Variants in PMPCB observed in about 807,000 individuals in gnomAD.
The protein encoded by PMPCB is peptidase, mitochondrial processing subunit beta.
PMPCB carries 46 observed loss-of-function variants against 61.5 expected under a neutral mutation model. The observed-to-expected ratio is 0.75, with a 90% confidence interval of 0.59 to 0.96. The LOEUF (loss-of-function observed/expected upper bound fraction) is 0.96. PMPCB is among the 40% of genes least tolerant of loss of function. The probability of loss-of-function intolerance (pLI) is 0.00; values close to 1 mark genes in which losing one functional copy is unlikely to be tolerated. For synonymous variants in PMPCB, 191 were observed against 201.6 expected, an observed-to-expected ratio of 0.95 and a Z score of 0.44; for missense variants, 590 against 602.4, an observed-to-expected ratio of 0.98 and a Z score of 0.22.
At position 103,303,977 on chromosome 7, in the gene PMPCB, A is replaced by G. The variant is rs142466486; in HGVS notation, c.593A>G (p.His198Arg). Residue 198 changes from histidine to arginine, a missense_variant, in exon 5 of 13, where the codon CAT becomes CGT. His to Arg is a conservative substitution (Grantham distance 29). Coordinates refer to ENST00000249269, the MANE Select transcript of PMPCB (RefSeq NM_004279.3). ...CAAGAAGTTGTTTTTGATTATCTTC[A>G]TGCCACAGCTTATCAAAATACTGCA... Reference protein sequence around the residue: ...NLQEVVFDYLHATAYQNTALG... With the variant: ...NLQEVVFDYLRATAYQNTALG... 4 of 1,614,040 alleles carry G rather than the reference A, an allele frequency of 2.5e-6. No individual in the cohort carries two copies. Among genetic ancestry groups the G allele is most frequent in the Admixed American group, 1.7e-5 (1 of 60,026 alleles).
In PMPCB at chr7:103,312,116, G is replaced by T. The variant is rs1398167943; in HGVS notation, c.1390G>T (p.Ala464Ser). 21 of 1,613,930 alleles carry T rather than the reference G, an allele frequency of 1.3e-5. No individual in the cohort carries two copies. In the East Asian group the frequency reaches 2.2e-4, roughly 17 times the overall value. ...CTKYIYNRSP[A>S]IAAVGPIKQL... ...CAAATACATTTATAATAGGAGTCCAGCTATTGCTGCTGTTGGTAAGCCTGG... is the reference window on the plus strand; with the variant it reads ...CAAATACATTTATAATAGGAGTCCATCTATTGCTGCTGTTGGTAAGCCTGG... Residue 464 changes from alanine (A) to serine (S), a missense_variant, in exon 12 of 13, where the codon GCT (alanine) becomes TCT (serine). Coordinates refer to ENST00000249269, the MANE Select transcript of PMPCB (RefSeq NM_004279.3).
chr7:103,312,843 A>G lies in PMPCB; in HGVS notation c.*572A>G. 1.3e-6 allele frequency: 2 copies of G among 1,525,948 alleles called. No individual in the cohort carries two copies. Among genetic ancestry groups the G allele is most frequent in the East Asian group, 2.3e-5 (1 of 44,288 alleles). 94.5% of individuals were successfully genotyped at this position (1,525,948 alleles called of 1,614,324 possible). A position where few individuals can be genotyped will look rare whatever the true frequency, so the allele number is the denominator to read the frequency against. On this transcript the variant is annotated 3_prime_UTR_variant, in exon 13 of 13. Transcript: ENST00000249269. ...TTGACCCCATAACTACTGGTTTTGAAATAAGCACTATATTATTAACCACTT... is the reference window on the plus strand; with the variant it reads ...TTGACCCCATAACTACTGGTTTTGAGATAAGCACTATATTATTAACCACTT...
chr7:103,334,043 C>T (rs546322397), downstream of PMPCB, among the ~76,000 whole-genome samples: 11 of 151,922 alleles, frequency 7.2e-5, no homozygotes, highest in East Asian at 3.9e-4. Flanking sequence ...CTCCACCTCC[C>T]GGGTTCACGC....
the PMPCB span, among the ~76,000 whole-genome samples, chr7:103,346,818 ATGTGTG>A: frequency 0.24 from 35,879 of 150,054 alleles, 4,343 homozygotes; most frequent in South Asian, 0.34. Context: ...AGGCTGAATA[ATGTGTG>A]TGTGTGTGTG....
downstream of PMPCB, among the ~76,000 whole-genome samples, chr7:103,318,902 C>T (rs1243070489): frequency 6.6e-6 from 1 of 152,162 alleles, no homozygotes; most frequent in Non-Finnish European, 1.5e-5. Context: ...CAACTTAAAT[C>T]AACAACAGCA....
At chr7:103,307,248 T>C (rs533433117) in intron 6 of PMPCB, among the ~76,000 whole-genome samples, 11 of 152,322 alleles carry the variant, frequency 7.2e-5, no homozygotes, top group Non-Finnish European at 1.6e-4. Flanking sequence ...TAAAAAATTT[T>C]TTTTTTGAAA....
chr7:103,325,130 T>C (rs547734532), intron 12 of PMPCB, among the ~76,000 whole-genome samples: 1 of 152,270 alleles, frequency 6.6e-6, no homozygotes, highest in South Asian at 2.1e-4. Context: ...CTACTACTTT[T>C]TACCACCTCA....
chr7:103,312,181 A>C, intron 12 of PMPCB, 26 bp from the exon 13 acceptor site: 1 of 1,613,990 alleles, frequency 6.2e-7, no homozygotes, highest in Middle Eastern at 1.7e-4. Flanking sequence ...AAGTACTTTT[A>C]ATTAACTCTT....
chr7:103,315,705 C>A, downstream of PMPCB: 3 of 1,148,492 alleles, frequency 2.6e-6, no homozygotes, highest in East Asian at 2.4e-5. Flanking sequence ...AAGTCTTGTA[C>A]GTCCAAGCAG....
chr7:103,306,758 AATTTT>A (rs1464972236), intron 6 of PMPCB, among the ~76,000 whole-genome samples: 5 of 151,778 alleles, frequency 3.3e-5, no homozygotes, highest in Non-Finnish European at 7.4e-5. Flanking sequence ...TTATTTATTT[AATTTT>A]ATTTATTTTA....
In PMPCB at chr7:103,313,250, CCT is replaced by C. The variant is rs144352229; in HGVS notation, c.*982_*983del. On this transcript the variant is annotated 3_prime_UTR_variant, in exon 13 of 13. Transcript: ENST00000249269. ...TGTAGAGATGAGAGATACATATAGC[CCT>C]CTGAGTGTTAATAAGAGAAAAAATT... 113,227 of 1,381,488 alleles carry C rather than the reference CCT, an allele frequency of 0.082. 5,068 individuals carry two copies. Among genetic ancestry groups the C allele is most frequent in the South Asian group, 0.14 (7,351 of 54,354 alleles). The allele number at this position is 1,381,488 out of a possible 1,614,324, so 85.6% of individuals were successfully genotyped here. A position where few individuals can be genotyped will look rare whatever the true frequency, so the allele number is the denominator to read the frequency against.
At chr7:103,325,036 T>G (rs915498738) in intron 12 of PMPCB, among the ~76,000 whole-genome samples, 2 of 152,204 alleles carry the variant, frequency 1.3e-5, no homozygotes, top group African/African-American at 4.8e-5. Flanking sequence ...GCTCAGCACT[T>G]CATTGATCAC....
In PMPCB at chr7:103,307,724, C is replaced by T. The variant is rs1817627858; in HGVS notation, c.849+16C>T. Reference sequence around the variant, plus strand: ...AGGAAGTGAGGTAGGGCAAGCCTTCCAGCTAGTATTTAGCCTTTTGGATTC... The same window carrying T: ...AGGAAGTGAGGTAGGGCAAGCCTTCTAGCTAGTATTTAGCCTTTTGGATTC... On this transcript the variant is annotated intron_variant, in intron 7 of 12. Coordinates refer to ENST00000249269, the MANE Select transcript of PMPCB (RefSeq NM_004279.3). 1 of 1,397,776 alleles carries T rather than the reference C, an allele frequency of 7.2e-7. No individual in the cohort carries two copies. Among genetic ancestry groups the T allele is most frequent in the Non-Finnish European group, 1.0e-6 (1 of 983,198 alleles). The allele number at this position is 1,397,776 out of a possible 1,614,324, so 86.6% of individuals were successfully genotyped here.
At position 103,297,568 on chromosome 7, in the gene PMPCB, C is replaced by G. The variant is rs750021053; in HGVS notation, c.99+10C>G. On this transcript the variant is annotated intron_variant, in intron 1 of 12. Transcript: ENST00000249269. ...AGGCGCTGCGGGACGGGTGAGCTTC[C>G]CTCCAGGCCGGTCCTGTCCTCGAGA... 4 of 1,611,682 alleles carry G rather than the reference C, an allele frequency of 2.5e-6. No individual in the cohort carries two copies. In the East Asian group the frequency reaches 8.9e-5, roughly 36 times the overall value.
At chr7:103,307,479 T>A (rs567599770) in intron 6 of PMPCB, 117 bp from the exon 7 acceptor site, 2 of 614,382 alleles carry the variant, frequency 3.3e-6, no homozygotes, top group Admixed American at 5.6e-5. Context: ...TCTTAAATAA[T>A]GGCTTTTAGT....
At position 103,312,197 on chromosome 7, in the gene PMPCB, TA is replaced by T. The variant is rs1404536738; in HGVS notation, c.1406-8del. 6.2e-7 allele frequency: 1 copy of T among 1,613,926 alleles called. No homozygotes were observed. Among genetic ancestry groups the T allele is most frequent in the South Asian group, 1.1e-5 (1 of 91,078 alleles). ...AGTACTTTTAATTAACTCTTCTTTT[TA>T]ATCCTTAGGTCCCATTAAGCAACTA... is the stretch of plus-strand genomic sequence containing the variant. On this transcript the variant is annotated splice_polypyrimidine_tract_variant and intron_variant, in intron 12 of 12. Transcript: ENST00000249269.
At chr7:103,299,791 G>A (rs996286721) in intron 3 of PMPCB, among the ~76,000 whole-genome samples, 6 of 151,976 alleles carry the variant, frequency 3.9e-5, no homozygotes, top group African/African-American at 1.2e-4. Context: ...TTTTTTTTGA[G>A]ATAGGATCTG....
chr7:103,307,688 T>A lies in PMPCB; in HGVS notation c.829T>A (p.Cys277Ser). 6.2e-7 allele frequency: 1 copy of A among 1,607,828 alleles called. No individual in the cohort carries two copies. The highest frequency in any genetic ancestry group is 8.5e-7 in the Non-Finnish European group (1 of 1,174,304). Residue 277 changes from cysteine (C) to serine (S), a missense_variant, in exon 7 of 13, where the codon TGC (cysteine) becomes AGC (serine). Coordinates refer to ENST00000249269, the MANE Select transcript of PMPCB (RefSeq NM_004279.3). Reference protein sequence around the residue: ...HKGEIPALPPCKFTGSEIRVR... With the variant: ...HKGEIPALPPSKFTGSEIRVR... ...AGGAGAAATACCAGCTCTGCCTCCC[T>A]GCAAATTCACAGGAAGTGAGGTAGG...
At chr7:103,297,891 AT>A in intron 1 of PMPCB, 2 of 1,374,216 alleles carry the variant, frequency 1.5e-6, no homozygotes. Context: ...CCAGAGTTCT[AT>A]TTTTGCCTAA....
Sources: allele counts gnomAD v4.1 joint callset (sites outside exome capture counted in the v4.1 genomes callset), GRCh38; gene constraint gnomAD v4.1.1; transcripts MANE v1.5; gene names NCBI Gene and HGNC (gene_info 2026-07-23, HGNC 2026-07-21).